Variants in ZNF385D observed in about 807,000 individuals in gnomAD.
ZNF385D encodes the protein zinc finger protein 385D.
In ZNF385D, 15 loss-of-function variants were observed where a neutral mutation model predicts 35.8. The observed-to-expected ratio is 0.42, with a 90% confidence interval of 0.28 to 0.64. The LOEUF (loss-of-function observed/expected upper bound fraction) is 0.64, where lower values mean the gene tolerates loss of function less well. Among genes scored for constraint, ZNF385D ranks in the 30% least tolerant of loss-of-function variants. The pLI is 0.23. For synonymous variants in ZNF385D, 212 were observed against 186.8 expected, an observed-to-expected ratio of 1.13 and a Z score of -1.10; for missense variants, 474 against 494.6, an observed-to-expected ratio of 0.96 and a Z score of 0.39.
In ZNF385D at chr3:21,886,233, A is replaced by C. The variant is rs148978086; in HGVS notation, c.326-221205T>G. On this transcript the variant is annotated intron_variant, in intron 3 of 5. Transcript: ENST00000494108. ...TTTCATCCAGACTGTTTATCTTCCCACCATAAAGTTAAGCCTGGATGATGG... is the reference window on the plus strand; with the variant it reads ...TTTCATCCAGACTGTTTATCTTCCCCCCATAAAGTTAAGCCTGGATGATGG... Among the ~76,000 whole-genome samples, 294 of 152,034 alleles carry C rather than the reference A, an allele frequency of 1.9e-3. 1 individual carries two copies. Among genetic ancestry groups the C allele is most frequent in the Non-Finnish European group, 3.3e-3 (222 of 67,982 alleles).
chr3:22,342,175 A>G (rs7617088), intron 2 of ZNF385D, among the ~76,000 whole-genome samples: 54,840 of 150,242 alleles, frequency 0.37, 10,925 homozygotes, highest in African/African-American at 0.52. Context: ...TACTCGGGAG[A>G]CTGAGGCAGG....
chr3:22,108,438 A>C (rs922640585), intron 3 of ZNF385D, among the ~76,000 whole-genome samples: 1 of 152,042 alleles, frequency 6.6e-6, no homozygotes, highest in Non-Finnish European at 1.5e-5. Context: ...TATGAAATGC[A>C]ACTATAGCTT....
intron 1 of ZNF385D, among the ~76,000 whole-genome samples, chr3:21,680,111 G>C (rs2066853876): frequency 6.6e-6 from 1 of 152,032 alleles, no homozygotes; most frequent in African/African-American, 2.4e-5. Context: ...TTTTCAGCTT[G>C]TCCTCAGTTT....
chr3:21,746,005 G>T lies in ZNF385D; in HGVS notation c.22+4890C>A, dbSNP rs192768694. Among the ~76,000 whole-genome samples, 860 of 152,270 alleles carry T rather than the reference G, an allele frequency of 5.6e-3. 5 individuals carry two copies. The highest frequency in any genetic ancestry group is 7.0e-3 in the Non-Finnish European group (476 of 68,016). On this transcript the variant is annotated intron_variant, in intron 1 of 7. Coordinates refer to ENST00000281523, the MANE Select transcript of ZNF385D (RefSeq NM_024697.3). ...CCAGGAATACATAAATGCTATGACT[G>T]AAGTACAATATTAAGTCTATATATA...
intron 2 of ZNF385D, among the ~76,000 whole-genome samples, chr3:22,228,290 T>C (rs925193648): frequency 2.0e-5 from 3 of 152,164 alleles, no homozygotes; most frequent in Non-Finnish European, 2.9e-5. Flanking sequence ...CAAATATATA[T>C]GGCAGTGGCC....
intron 3 of ZNF385D, among the ~76,000 whole-genome samples, chr3:22,048,333 C>A (rs111501332): frequency 0.021 from 3,224 of 152,158 alleles, 51 homozygotes; most frequent in Non-Finnish European, 0.035. Flanking sequence ...AATCAATGCC[C>A]AAACCAGTAT....
chr3:21,672,414 G>A (rs1315184105), intron 1 of ZNF385D, among the ~76,000 whole-genome samples: 2 of 151,972 alleles, frequency 1.3e-5, no homozygotes, highest in Non-Finnish European at 2.9e-5. Context: ...GAAACTCAAG[G>A]TCTGATCCCA....
At chr3:21,936,817 GA>G (rs1701281349) in intron 3 of ZNF385D, among the ~76,000 whole-genome samples, 1 of 152,040 alleles carries the variant, frequency 6.6e-6, no homozygotes, top group African/African-American at 2.4e-5. Flanking sequence ...TCATTGTGCT[GA>G]AAAATAAAAT....
At chr3:22,085,257 TAAAA>T (rs890596741) in intron 3 of ZNF385D, among the ~76,000 whole-genome samples, 39 of 151,986 alleles carry the variant, frequency 2.6e-4, no homozygotes, top group African/African-American at 8.9e-4. Context: ...GATAGAATCA[TAAAA>T]AACCCTTCAA....
At chr3:21,724,151 G>T (rs1055335488) in intron 1 of ZNF385D, among the ~76,000 whole-genome samples, 6 of 151,922 alleles carry the variant, frequency 3.9e-5, no homozygotes, top group Non-Finnish European at 8.8e-5. Flanking sequence ...CCTGAAGGAA[G>T]CACTACACAT....
At chr3:22,133,455 A>G (rs1429369778) in intron 3 of ZNF385D, 1 of 149,632 alleles carries the variant, frequency 6.7e-6, no homozygotes, top group African/African-American at 2.6e-5. Flanking sequence ...TATAACAGAC[A>G]TATCAAAAAA....
chr3:21,757,557 G>A (rs1164639361), intron 3 of ZNF385D, among the ~76,000 whole-genome samples: 1 of 151,972 alleles, frequency 6.6e-6, no homozygotes, highest in Non-Finnish European at 1.5e-5. Flanking sequence ...AGGTGGTTGT[G>A]GAATAGCAAT....
chr3:21,542,514 A>AT (rs773726225), intron 3 of ZNF385D, among the ~76,000 whole-genome samples: 1 of 151,978 alleles, frequency 6.6e-6, no homozygotes, highest in South Asian at 2.1e-4. Flanking sequence ...TGCCCGGCTA[A>AT]TTTTTTAAGA....
At chr3:21,730,449 A>G (rs1000818480) in intron 1 of ZNF385D, among the ~76,000 whole-genome samples, 2 of 152,200 alleles carry the variant, frequency 1.3e-5, no homozygotes, top group African/African-American at 4.8e-5. Context: ...ATATCCAAAC[A>G]ACTGAAAAAA....
chr3:21,883,266 C>T (rs917731184), intron 3 of ZNF385D, among the ~76,000 whole-genome samples: 6 of 151,844 alleles, frequency 4.0e-5, no homozygotes, highest in African/African-American at 1.4e-4. Context: ...TTCAAATTGA[C>T]TTATAAACTT....
chr3:22,042,155 T>C (rs1390838592), intron 3 of ZNF385D, among the ~76,000 whole-genome samples: 2 of 152,106 alleles, frequency 1.3e-5, no homozygotes, highest in East Asian at 3.9e-4. Context: ...ATTCAAGGAA[T>C]CCTACTACCT....
At chr3:22,311,439 C>T (rs780911891) in intron 2 of ZNF385D, among the ~76,000 whole-genome samples, 10 of 152,006 alleles carry the variant, frequency 6.6e-5, no homozygotes, top group South Asian at 2.1e-4. Flanking sequence ...AGTGTGTTTT[C>T]GTTCCTAGTA....
intron 7 of ZNF385D, 129 bp from the exon 8 acceptor site, chr3:21,421,576 A>G (rs902361235): frequency 4.7e-6 from 3 of 640,436 alleles, no homozygotes; most frequent in Non-Finnish European, 8.0e-6. Flanking sequence ...ACACTTGTGA[A>G]CTGACAACAA....
At chr3:21,921,886 G>C (rs1700482102) in intron 3 of ZNF385D, among the ~76,000 whole-genome samples, 1 of 147,934 alleles carries the variant, frequency 6.8e-6, no homozygotes, top group South Asian at 2.1e-4. Flanking sequence ...CCCTAGAACA[G>C]ATAGATTCAC....
Sources: gnomAD v4.1 joint callset for allele counts (sites outside exome capture counted in the v4.1 genomes callset) on GRCh38, gnomAD v4.1.1 for gene constraint, MANE v1.5 for transcripts, NCBI Gene and HGNC (gene_info 2026-07-23, HGNC 2026-07-21) for gene names.